The following MYT1L variants were observed in gnomAD, a reference collection of about 807,000 sequenced individuals.
The protein encoded by MYT1L is myelin transcription factor 1 like, also known as myelin transcription factor 1-like protein.
Under a neutral mutation model 126.7 loss-of-function variants are expected in MYT1L, and 12 were observed. That is an observed-to-expected ratio of 0.09 (90% CI 0.06 to 0.15). MYT1L has a LOEUF of 0.15. Among genes scored for constraint, MYT1L ranks in the 10% least tolerant of loss-of-function variants. The pLI, the probability that MYT1L is intolerant of heterozygous loss-of-function variation, is 1.00. For synonymous variants in MYT1L, 541 were observed against 604.2 expected, an observed-to-expected ratio of 0.90 and a Z score of 1.53; for missense variants, 979 against 1,585.2, an observed-to-expected ratio of 0.62 and a Z score of 6.49.
chr2:2,175,008 G>A (rs72769209), intron 2 of MYT1L, among the ~76,000 whole-genome samples: 6,734 of 152,206 alleles, frequency 0.044, 232 homozygotes, highest in Non-Finnish European at 0.068. Flanking sequence ...GTAGAGAAGT[G>A]TGGTGCTCTC....
intron 4 of MYT1L, among the ~76,000 whole-genome samples, chr2:2,050,458 T>A (rs1479046135): frequency 6.6e-6 from 1 of 152,118 alleles, no homozygotes; most frequent in African/African-American, 2.4e-5. Context: ...CAGAGTGTGA[T>A]TTTCTCTTTG....
intron 3 of MYT1L, among the ~76,000 whole-genome samples, chr2:2,137,778 C>T (rs540880444): frequency 5.7e-4 from 87 of 152,046 alleles, no homozygotes; most frequent in African/African-American, 2.0e-3. Flanking sequence ...ACATAGGCAC[C>T]GCAAGGACTT....
chr2:2,060,284 T>C (rs992026303), intron 3 of MYT1L, among the ~76,000 whole-genome samples: 1 of 152,222 alleles, frequency 6.6e-6, no homozygotes, highest in African/African-American at 2.4e-5. Context: ...AACTCAGTTG[T>C]AGATCAATGA....
intron 19 of MYT1L, 36 bp downstream of exon 19, chr2:1,851,605 G>C (rs766685658): frequency 6.3e-7 from 1 of 1,588,048 alleles, no homozygotes; most frequent in African/African-American, 1.3e-5. Context: ...CAGTGAGAAA[G>C]AGCATTTTGG....
intron 3 of MYT1L, among the ~76,000 whole-genome samples, chr2:2,155,368 T>C (rs2148356761): frequency 6.6e-6 from 1 of 152,300 alleles, no homozygotes; most frequent in South Asian, 2.1e-4. Flanking sequence ...GCCAACCATC[T>C]TCTTGAAATC....
At chr2:1,861,074 A>G (rs1273112937) in intron 18 of MYT1L, among the ~76,000 whole-genome samples, 4 of 152,124 alleles carry the variant, frequency 2.6e-5, no homozygotes, top group East Asian at 3.9e-4. Flanking sequence ...AACTCAACAC[A>G]GCTCAGATAT....
At chr2:1,881,357 T>C (rs2047518191) in intron 18 of MYT1L, among the ~76,000 whole-genome samples, 1 of 10,322 alleles carries the variant, frequency 9.7e-5, no homozygotes, top group Admixed American at 1.0e-3. Context: ...TGCAGGTTCG[T>C]GTGTGTGTGT....
chr2:2,160,365 T>G (rs1406206428), intron 3 of MYT1L, among the ~76,000 whole-genome samples: 1 of 152,206 alleles, frequency 6.6e-6, no homozygotes, highest in Non-Finnish European at 1.5e-5. Flanking sequence ...TACTTTGATT[T>G]TTATATAATA....
At chr2:1,951,943 A>C (rs1345159171) in intron 8 of MYT1L, among the ~76,000 whole-genome samples, 1 of 152,256 alleles carries the variant, frequency 6.6e-6, no homozygotes, top group East Asian at 1.9e-4. Flanking sequence ...GCAATTAAAT[A>C]ACTAGCATTT....
chr2:2,049,515 C>T (rs1164911341), intron 4 of MYT1L, among the ~76,000 whole-genome samples: 2 of 152,164 alleles, frequency 1.3e-5, no homozygotes, highest in African/African-American at 4.8e-5. Flanking sequence ...AATTATTTAA[C>T]TTCTCTGTAT....
chr2:2,040,462 G>A (rs867147845), intron 4 of MYT1L, among the ~76,000 whole-genome samples: 6 of 152,108 alleles, frequency 3.9e-5, no homozygotes, highest in Non-Finnish European at 7.4e-5. Flanking sequence ...TGGTGCAGGC[G>A]ACCCCCTGAC....
At chr2:2,076,008 A>C (rs1384046413) in intron 3 of MYT1L, among the ~76,000 whole-genome samples, 2 of 152,240 alleles carry the variant, frequency 1.3e-5, no homozygotes, top group African/African-American at 4.8e-5. Context: ...CTGAAATTGC[A>C]GCTCTTAGGA....
At chr2:1,795,299 C>A (rs1186819495) in intron 23 of MYT1L, among the ~76,000 whole-genome samples, 1 of 152,248 alleles carries the variant, frequency 6.6e-6, no homozygotes, top group Non-Finnish European at 1.5e-5. Context: ...ATTCCTGGGG[C>A]CTCTGACCCA....
At chr2:2,327,637 G>T (rs72769270) in intron 1 of MYT1L, among the ~76,000 whole-genome samples, 1 of 152,192 alleles carries the variant, frequency 6.6e-6, no homozygotes, top group Non-Finnish European at 1.5e-5. Context: ...ACAGAGTTCT[G>T]GTGAGACTTT....
chr2:2,292,993 T>G lies in MYT1L; in HGVS notation c.-520-8490A>C, dbSNP rs563870865. Among the ~76,000 whole-genome samples, 4 of 152,306 alleles carry G rather than the reference T, an allele frequency of 2.6e-5. No individual in the cohort carries two copies. In the East Asian group the frequency reaches 7.7e-4, roughly 30 times the overall value. ...CATTTTCCTCTGTCTTGCATGTTTA[T>G]GTTTCATTTGCAAGTTCTGCTTACA... On this transcript the variant is annotated intron_variant, in intron 1 of 24. Coordinates refer to ENST00000647738, the MANE Select transcript of MYT1L (RefSeq NM_001303052.2).
At chr2:1,907,891 C>T (rs1416618247) in intron 13 of MYT1L, among the ~76,000 whole-genome samples, 1 of 152,252 alleles carries the variant, frequency 6.6e-6, no homozygotes, top group Admixed American at 6.5e-5. Flanking sequence ...CCCATGGAGG[C>T]GGAAAGCCCG....
chr2:2,009,776 C>T (rs556847130), intron 4 of MYT1L, among the ~76,000 whole-genome samples: 1 of 152,194 alleles, frequency 6.6e-6, no homozygotes, highest in Admixed American at 6.5e-5. Context: ...GGCATCTCTG[C>T]TTTCTACTGG....
chr2:2,262,915 A>AAT lies in MYT1L; in HGVS notation c.-421+21487_-421+21488dup, dbSNP rs61461867. Among the ~76,000 whole-genome samples the AAT allele has an allele frequency of 2.1e-3, 132 of 62,490 alleles. 26 individuals are homozygous for AAT. The highest frequency in any genetic ancestry group is 0.019 in the South Asian group (25 of 1,312). The allele number at this position is 62,490 out of a possible 152,430, so 41.0% of individuals were successfully genotyped here. On this transcript the variant is annotated intron_variant, in intron 2 of 24. Coordinates refer to ENST00000647738, the MANE Select transcript of MYT1L (RefSeq NM_001303052.2). ...GTTTTTACCCCAGGTGAGAGGCACA[A>AAT]ATATATATATATATATAACCTGTGA...
intron 8 of MYT1L, among the ~76,000 whole-genome samples, chr2:1,949,429 G>A (rs770490111): frequency 6.6e-6 from 1 of 151,916 alleles, no homozygotes; most frequent in Non-Finnish European, 1.5e-5. Context: ...GATGCCTCAC[G>A]ATGTCTTTTT....
Sources: allele counts gnomAD v4.1 joint callset (sites outside exome capture counted in the v4.1 genomes callset), GRCh38; gene constraint gnomAD v4.1.1; transcripts MANE v1.5; gene names NCBI Gene and HGNC (gene_info 2026-07-23, HGNC 2026-07-21).